UBE2F: variants seen among roughly 807,000 people sequenced by gnomAD.
UBE2F encodes the protein NEDD8-conjugating enzyme UBE2F.
UBE2F carries 5 observed loss-of-function variants against 29.6 expected under a neutral mutation model. That is an observed-to-expected ratio of 0.17 (90% CI 0.09 to 0.36). The LOEUF is 0.36. UBE2F is among the 10% of genes least tolerant of loss of function. The pLI is 1.00. For missense variants in UBE2F, 141 were observed against 228.5 expected, an observed-to-expected ratio of 0.62 and a Z score of 2.47; for synonymous variants, 66 against 81.8, an observed-to-expected ratio of 0.81 and a Z score of 1.04.
intron 4 of UBE2F, among the ~76,000 whole-genome samples, chr2:238,002,437 A>G (rs1207035856): frequency 6.6e-6 from 1 of 152,058 alleles, no homozygotes; most frequent in African/African-American, 2.4e-5. Flanking sequence ...AGGTTTCACT[A>G]TGTTGGCCAG....
chr2:238,032,570 G>A lies in UBE2F; in HGVS notation c.444+316G>A, dbSNP rs1006319645. On this transcript the variant is annotated intron_variant, in intron 8 of 9. Transcript: ENST00000272930. The stretch of plus-strand genomic sequence containing the variant: ...GCAGAGGTTGCAGTGAGCTGAGATT[G>A]CACCACTGTACTCCAGCCTGGGCGA... 22 of 277,268 alleles carry A rather than the reference G, an allele frequency of 7.9e-5. No individual in the cohort carries two copies. In the Admixed American group the frequency reaches 9.9e-4, roughly 12 times the overall value. 17.2% of individuals were successfully genotyped at this position (277,268 alleles called of 1,614,324 possible).
At chr2:238,030,477 A>G (rs1414397404) in intron 6 of UBE2F, 79 bp from the exon 7 acceptor site, 2 of 970,406 alleles carry the variant, frequency 2.1e-6, no homozygotes, top group African/African-American at 1.6e-5. Flanking sequence ...TGCATGGCAC[A>G]CACCGAGAGG....
intron 5 of UBE2F, among the ~76,000 whole-genome samples, chr2:238,020,880 G>T (rs142723056): frequency 6.6e-6 from 1 of 152,342 alleles, no homozygotes; most frequent in East Asian, 1.9e-4. Context: ...AAGAATTTCA[G>T]TCTCTGGGGA....
chr2:237,967,858 C>T lies in UBE2F; in HGVS notation c.-17+726C>T, dbSNP rs1211507929. On this transcript the variant is annotated intron_variant, in intron 1 of 9. Transcript: ENST00000272930. This position sits in a 1 kb window ranked among gnomAD's most constrained non-coding sequence, Gnocchi z 6.3. ...TGTGTCATCTTGGGTGTGGCCTTCC[C>T]CTCCCTGGGCTCAGTTTCCTCATCT... is the stretch of plus-strand genomic sequence containing the variant. Among the ~76,000 whole-genome samples, 1 of 152,134 alleles carries T rather than the reference C, an allele frequency of 6.6e-6. No homozygotes were observed. The highest frequency in any genetic ancestry group is 1.5e-5 in the Non-Finnish European group (1 of 68,022).
chr2:237,972,509 AGT>A (rs1190298639), intron 1 of UBE2F, among the ~76,000 whole-genome samples: 1 of 149,428 alleles, frequency 6.7e-6, no homozygotes, highest in Non-Finnish European at 1.5e-5. Flanking sequence ...GCACCCAGTG[AGT>A]GTGAAATGCA....
In UBE2F at chr2:237,972,892, A is replaced by G. The variant is rs188152884; in HGVS notation, c.-16-200A>G. ...TAAAAAATGTTAATTCATAATTTTA[A>G]AAGTTAGGCTTATAGAGGATGGCAT... On this transcript the variant is annotated intron_variant, in intron 1 of 9. Coordinates refer to ENST00000272930, the MANE Select transcript of UBE2F (RefSeq NM_080678.3). Among the ~76,000 whole-genome samples, 143 of 152,284 alleles carry G rather than the reference A, an allele frequency of 9.4e-4. No individual in the cohort carries two copies. In the Middle Eastern group the frequency reaches 0.014, roughly 14 times the overall value.
chr2:237,972,696 A>G (rs766411020), intron 1 of UBE2F, among the ~76,000 whole-genome samples: 44 of 151,572 alleles, frequency 2.9e-4, no homozygotes, highest in Admixed American at 5.3e-4. Flanking sequence ...GACTACAGGC[A>G]CACACCACCA....
At chr2:238,023,497 TAAAA>T (rs551544823) in intron 5 of UBE2F, among the ~76,000 whole-genome samples, 91 of 152,256 alleles carry the variant, frequency 6.0e-4, no homozygotes, top group African/African-American at 2.1e-3. Flanking sequence ...TACAAATAAA[TAAAA>T]AGATGAAACT....
intron 3 of UBE2F, among the ~76,000 whole-genome samples, chr2:237,994,534 G>A (rs948652036): frequency 2.0e-5 from 3 of 152,170 alleles, no homozygotes; most frequent in African/African-American, 4.8e-5. Flanking sequence ...ACACTGTAAG[G>A]AGAAAAGCAC....
intron 3 of UBE2F, among the ~76,000 whole-genome samples, chr2:237,988,546 G>A (rs1231218990): frequency 6.6e-6 from 1 of 151,654 alleles, no homozygotes; most frequent in Non-Finnish European, 1.5e-5. Context: ...AACCCAAGAG[G>A]CGGAGGTTGC....
At chr2:238,025,089 T>C (rs1261477598) in intron 5 of UBE2F, among the ~76,000 whole-genome samples, 1 of 152,148 alleles carries the variant, frequency 6.6e-6, no homozygotes, top group Non-Finnish European at 1.5e-5. Flanking sequence ...ATGGGGCTTG[T>C]AGAGAGGTGC....
At chr2:238,012,832 G>A (rs1274877026) in intron 4 of UBE2F, among the ~76,000 whole-genome samples, 2 of 152,174 alleles carry the variant, frequency 1.3e-5, no homozygotes, top group African/African-American at 2.4e-5. Flanking sequence ...TCTCAAAGGG[G>A]TAATGCCTGC....
intron 9 of UBE2F, among the ~76,000 whole-genome samples, chr2:238,037,531 C>T (rs1279493041): frequency 1.3e-5 from 2 of 152,254 alleles, no homozygotes; most frequent in South Asian, 2.1e-4. Context: ...GGTAGAACCT[C>T]GCACTCCGTT....
intron 2 of UBE2F, chr2:237,986,163 C>T (rs1489416363): frequency 2.7e-4 from 93 of 347,786 alleles, no homozygotes; most frequent in Non-Finnish European, 4.3e-4. Flanking sequence ...TTTTTTGAGA[C>T]GGGGTCTCAC....
chr2:238,001,194 C>T (rs776826098), intron 4 of UBE2F, among the ~76,000 whole-genome samples: 15 of 151,956 alleles, frequency 9.9e-5, no homozygotes, highest in Non-Finnish European at 1.5e-4. Context: ...CCACCACGCC[C>T]GGCTAATTTT....
intron 2 of UBE2F, among the ~76,000 whole-genome samples, chr2:237,983,543 C>T (rs779833318): frequency 4.6e-5 from 7 of 152,140 alleles, no homozygotes; most frequent in Non-Finnish European, 5.9e-5. Context: ...GAACCCTGAG[C>T]CTCAGAGTAG....
intron 9 of UBE2F, among the ~76,000 whole-genome samples, chr2:238,038,964 G>A (rs545928195): frequency 4.6e-5 from 7 of 152,352 alleles, no homozygotes; most frequent in Admixed American, 1.3e-4. Flanking sequence ...GCCAGACACC[G>A]TGGCTCACGC....
intron 4 of UBE2F, among the ~76,000 whole-genome samples, chr2:238,006,388 G>C (rs907754380): frequency 2.6e-5 from 4 of 151,982 alleles, no homozygotes; most frequent in Non-Finnish European, 4.4e-5. Context: ...GATTTGGAGG[G>C]GACACACGTC....
intron 6 of UBE2F, among the ~76,000 whole-genome samples, chr2:238,028,760 T>A (rs917416449): frequency 2.0e-5 from 3 of 152,210 alleles, no homozygotes; most frequent in African/African-American, 7.2e-5. Flanking sequence ...TGATCTGAAT[T>A]GACTTTTGTG....
Sources: gnomAD v4.1 joint callset for allele counts (sites outside exome capture counted in the v4.1 genomes callset) on GRCh38, gnomAD v4.1.1 for gene constraint, Gnocchi (gnomAD v3.1) non-coding constraint, MANE v1.5 for transcripts, NCBI Gene and HGNC (gene_info 2026-07-23, HGNC 2026-07-21) for gene names.